The following CCDC33 variants were observed in gnomAD, a reference collection of about 807,000 sequenced individuals.
The protein encoded by CCDC33 is coiled-coil domain-containing protein 33.
A neutral mutation model predicts 91.9 loss-of-function variants in CCDC33; 94 were observed. The observed-to-expected ratio is 1.02, with a 90% CI of 0.87 to 1.21. CCDC33 has a LOEUF of 1.21. CCDC33 is among the 50% of genes most tolerant of loss of function. The pLI, the probability that CCDC33 is intolerant of heterozygous loss-of-function variation, is 0.00. For missense variants in CCDC33, 940 were observed against 935.5 expected (o/e 1.00, Z -0.06); for synonymous variants, 396 against 374.5 (o/e 1.06, Z -0.66).
At chr15:74,320,941 G>A (rs1329180307) in intron 11 of CCDC33, among the ~76,000 whole-genome samples, 1 of 152,202 alleles carries the variant, frequency 6.6e-6, no homozygotes. Context: ...AGGGAGCTTG[G>A]CTGGGTGGGC....
At chr15:74,217,307 A>T in exon 1 of CCDC33, 2 of 1,287,296 alleles carry the variant, frequency 1.6e-6, no homozygotes, top group South Asian at 1.2e-5. Context: ...GGGTCTCTGC[A>T]TCCCTGCTGA....
intron 1 of CCDC33, chr15:74,207,828 C>T: frequency 1.3e-6 from 2 of 1,534,432 alleles, no homozygotes; most frequent in Non-Finnish European, 1.7e-6. Flanking sequence ...GCCCTTCGCA[C>T]ACATACGTGC....
intron 10 of CCDC33, among the ~76,000 whole-genome samples, chr15:74,288,498 G>C (rs753554918): frequency 5.9e-5 from 9 of 152,180 alleles, no homozygotes; most frequent in Non-Finnish European, 1.2e-4. Context: ...TGCAGCTGAA[G>C]CCTAGCTTTG....
rs146306322 is a variant in CCDC33 at position 74,281,615 on chromosome 15, C to T, written c.1024-163C>T. Among the ~76,000 whole-genome samples, 818 of 152,304 alleles carry T rather than the reference C, an allele frequency of 5.4e-3. 8 individuals carry two copies. Among genetic ancestry groups the T allele is most frequent in the Middle Eastern group, 0.051 (15 of 294 alleles). On this transcript the variant is annotated intron_variant, in intron 9 of 18. Transcript: ENST00000398814. ...GGGTTTAGAAGGGGTGGTGTGGAGG[C>T]AGTTTGCGAGGGCAAAAGCAGGAGG...
At chr15:74,334,000 T>TC in intron 17 of CCDC33, 33 bp downstream of exon 17, 1 of 1,561,810 alleles carries the variant, frequency 6.4e-7, no homozygotes, top group Non-Finnish European at 8.8e-7. Context: ...TGAGGCTGGA[T>TC]CAGGCTCACC....
At chr15:74,298,027 A>C (rs556984247) in intron 11 of CCDC33, among the ~76,000 whole-genome samples, 1 of 152,292 alleles carries the variant, frequency 6.6e-6, no homozygotes, top group East Asian at 1.9e-4. Context: ...TAGCACAACC[A>C]AGGAGGGGGA....
chr15:74,240,034 G>C (rs1236189124), intron 1 of CCDC33, among the ~76,000 whole-genome samples: 1 of 152,238 alleles, frequency 6.6e-6, no homozygotes, highest in African/African-American at 2.4e-5. Context: ...GAGGTTAGCA[G>C]CCCTGGCCCA....
At chr15:74,221,885 G>A (rs1170355781) in intron 2 of CCDC33, among the ~76,000 whole-genome samples, 1 of 152,076 alleles carries the variant, frequency 6.6e-6, no homozygotes, top group African/African-American at 2.4e-5. Context: ...GTCACCTCTT[G>A]GCAGGTTTGA....
In CCDC33 at chr15:74,335,097, C is replaced by A. The variant is rs770383652; in HGVS notation, c.2139+9C>A. 12 of 1,598,488 alleles carry A rather than the reference C, an allele frequency of 7.5e-6. No individual in the cohort carries two copies. The highest frequency in any genetic ancestry group is 1.3e-5 in the African/African-American group (1 of 74,680). On this transcript the variant is annotated intron_variant, in intron 18 of 18. Transcript: ENST00000398814. ...TCATCATAGAACAGCCTGTGAGTGA[C>A]CCCCCTGGAGTAGCTCCCAGGGGTT... is the stretch of plus-strand genomic sequence containing the variant.
In CCDC33 at chr15:74,203,950, AC is replaced by A. The variant is rs536988225; in HGVS notation, n.89+853del. 8.5e-5 allele frequency among the ~76,000 whole-genome samples: 13 copies of A among 152,318 alleles called. No individual in the cohort carries two copies. In the South Asian group the frequency reaches 2.7e-3, roughly 32 times the overall value. ...GTGTGTTCCCCACAGAGGAAACAGC[AC>A]GGGTGAAGTCTCAGAGTAGACAGGG... On this transcript the variant is annotated intron_variant and non_coding_transcript_variant, in intron 1 of 3. Coordinates refer to the CCDC33 transcript ENST00000558645.
chr15:74,297,736 A>T (rs1293705605), intron 11 of CCDC33, among the ~76,000 whole-genome samples: 1 of 152,078 alleles, frequency 6.6e-6, no homozygotes, highest in Non-Finnish European at 1.5e-5. Flanking sequence ...CAGGAAAGAA[A>T]GAAGAGGGAA....
At chr15:74,313,617 G>A (rs370844278) in intron 11 of CCDC33, among the ~76,000 whole-genome samples, 4 of 151,752 alleles carry the variant, frequency 2.6e-5, no homozygotes, top group African/African-American at 7.3e-5. Flanking sequence ...ACGGGGTTTC[G>A]CCATATTGGC....
intron 10 of CCDC33, among the ~76,000 whole-genome samples, chr15:74,286,135 A>G (rs2059469158): frequency 6.6e-6 from 1 of 152,266 alleles, no homozygotes; most frequent in Admixed American, 6.5e-5. Context: ...AATCCCAGCT[A>G]CTTGGGAGGC....
Position 74,210,499 on chromosome 15 carries a change from G to A in CCDC33, n.236+965G>A, listed in dbSNP as rs187093725. 2.8e-3 allele frequency among the ~76,000 whole-genome samples: 432 copies of A among 152,334 alleles called. 3 individuals are homozygous for A. Among genetic ancestry groups the A allele is most frequent in the African/African-American group, 0.01 (428 of 41,566 alleles). On this transcript the variant is annotated intron_variant and non_coding_transcript_variant, in intron 2 of 3. Transcript: ENST00000558645. Reference sequence around the variant, plus strand: ...TAGGTAGACATATGTGTATGTATGTGTGTACACATAAAAAGTGAATCTGGC... The same window carrying A: ...TAGGTAGACATATGTGTATGTATGTATGTACACATAAAAAGTGAATCTGGC...
At chr15:74,249,170 C>T (rs895143833) in intron 2 of CCDC33, among the ~76,000 whole-genome samples, 3 of 152,148 alleles carry the variant, frequency 2.0e-5, no homozygotes, top group South Asian at 2.1e-4. Flanking sequence ...TTTATCAGCC[C>T]GCCCAGCTGC....
At chr15:74,306,631 A>T (rs1022738404) in intron 11 of CCDC33, among the ~76,000 whole-genome samples, 1 of 152,138 alleles carries the variant, frequency 6.6e-6, no homozygotes, top group African/African-American at 2.4e-5. Context: ...TCTGGACCTC[A>T]GTTTCTCTAT....
chr15:74,249,586 A>AAAAC (rs3985312), intron 2 of CCDC33, among the ~76,000 whole-genome samples: 13 of 152,130 alleles, frequency 8.5e-5, no homozygotes, highest in Admixed American at 7.2e-4. Flanking sequence ...AGACAACCCA[A>AAAAC]AAACAAACAA....
At chr15:74,322,892 G>C (rs1039548321) in intron 11 of CCDC33, among the ~76,000 whole-genome samples, 5 of 152,120 alleles carry the variant, frequency 3.3e-5, no homozygotes, top group African/African-American at 1.2e-4. Flanking sequence ...GTGTGTGCCT[G>C]GTCCAGCAAA....
At chr15:74,262,162 C>A (rs1295535199) in intron 2 of CCDC33, among the ~76,000 whole-genome samples, 1 of 152,128 alleles carries the variant, frequency 6.6e-6, no homozygotes, top group Non-Finnish European at 1.5e-5. Context: ...AAGCATCTAC[C>A]CTCTACCCCC....
Sources: gnomAD v4.1 joint callset for allele counts (sites outside exome capture counted in the v4.1 genomes callset) on GRCh38, gnomAD v4.1.1 for gene constraint, MANE v1.5 for transcripts, NCBI Gene and HGNC (gene_info 2026-07-23, HGNC 2026-07-21) for gene names.